CPNE2: variants seen among roughly 807,000 people sequenced by gnomAD.
The protein encoded by CPNE2 is copine-2.
Under a neutral mutation model 69.7 loss-of-function variants are expected in CPNE2, and 42 were observed. That is an observed-to-expected ratio of 0.60 (90% CI 0.47 to 0.78). The LOEUF (loss-of-function observed/expected upper bound fraction) is 0.78, where lower values mean the gene tolerates loss of function less well. Ranked by LOEUF, CPNE2 falls within the 30% of genes least tolerant of loss-of-function variation. The probability of loss-of-function intolerance (pLI) is 0.00; values close to 1 mark genes in which losing one functional copy is unlikely to be tolerated. For synonymous variants in CPNE2, 294 were observed against 289.8 expected (o/e 1.01, Z -0.15); for missense variants, 587 against 732.0 (o/e 0.80, Z 2.29).
At chr16:57,125,075 T>C (rs1014654941) in intron 10 of CPNE2, 1 of 330,698 alleles carries the variant, frequency 3.0e-6, no homozygotes, top group South Asian at 2.3e-5. Flanking sequence ...TGAGTTCCCA[T>C]GTAGCCAAAT....
chr16:57,136,734 C>T (rs143942073), intron 13 of CPNE2, among the ~76,000 whole-genome samples: 137 of 152,226 alleles, frequency 9.0e-4, no homozygotes, highest in African/African-American at 3.1e-3. Flanking sequence ...GGCAACATGG[C>T]GAAACCCTGC....
intron 1 of CPNE2, among the ~76,000 whole-genome samples, chr16:57,095,591 G>A (rs2069573717): frequency 6.6e-6 from 1 of 152,104 alleles, no homozygotes; most frequent in Non-Finnish European, 1.5e-5. Flanking sequence ...TTGTGCCTTA[G>A]CCTCCCAAGT....
chr16:57,102,805 T>C (rs2069622909), intron 1 of CPNE2, among the ~76,000 whole-genome samples: 2 of 152,218 alleles, frequency 1.3e-5, no homozygotes, highest in African/African-American at 4.8e-5. Flanking sequence ...TTTCACCTTG[T>C]TGGCCAGGCT....
Position 57,121,096 on chromosome 16 carries a change from A to G in CPNE2, c.685A>G (p.Met229Val), listed in dbSNP as rs770889030. The G allele has an allele frequency of 1.2e-6, 2 of 1,613,082 alleles. No individual in the cohort carries two copies. Among genetic ancestry groups the G allele is most frequent in the Admixed American group, 3.3e-5 (2 of 59,948 alleles). ...DGDMEKPIQV[M>V]CYDYDNDGGH... ...GACCGTGCTGAACCCACCCCAGGTC[A>G]TGTGCTACGACTATGACAATGACGG... Residue 229 changes from methionine to valine, a missense_variant, in exon 8 of 16, where the codon ATG (methionine) becomes GTG (valine). Physicochemically the swap from Met to Val is conservative, Grantham distance 21 (BLOSUM62 1). Coordinates refer to ENST00000290776, the MANE Select transcript of CPNE2 (RefSeq NM_152727.6).
intron 14 of CPNE2, among the ~76,000 whole-genome samples, chr16:57,139,047 G>C (rs1162590554): frequency 6.6e-6 from 1 of 152,242 alleles, no homozygotes; most frequent in African/African-American, 2.4e-5. Flanking sequence ...AATGGAGAAA[G>C]AGTAATTCAC....
intron 14 of CPNE2, among the ~76,000 whole-genome samples, chr16:57,140,531 C>T (rs2069914019): frequency 6.6e-6 from 1 of 151,702 alleles, no homozygotes; most frequent in African/African-American, 2.4e-5. Flanking sequence ...GACCTGGGTG[C>T]AGGCTTAATG....
intron 13 of CPNE2, 81 bp downstream of exon 13, chr16:57,134,907 C>A: frequency 7.0e-7 from 1 of 1,437,224 alleles, no homozygotes; most frequent in Non-Finnish European, 9.7e-7. Flanking sequence ...GGGCAGAGGA[C>A]AGGTTTTCAT....
At chr16:57,110,204 A>G (rs2069671622) in intron 1 of CPNE2, among the ~76,000 whole-genome samples, 2 of 146,596 alleles carry the variant, frequency 1.4e-5, no homozygotes, top group African/African-American at 5.1e-5. Context: ...AGAGACAGAG[A>G]CTCTTTTTTC....
intron 1 of CPNE2, among the ~76,000 whole-genome samples, chr16:57,109,200 C>T (rs1417226706): frequency 1.7e-4 from 26 of 152,212 alleles, no homozygotes; most frequent in Admixed American, 1.4e-3. Flanking sequence ...AATAGCCAGG[C>T]GCGGTGGCTC....
rs563373168 is a variant in CPNE2 at position 57,109,372 on chromosome 16, C to T, written c.-35-1336C>T. Among the ~76,000 whole-genome samples, 85 of 150,926 alleles carry T rather than the reference C, an allele frequency of 5.6e-4. No homozygotes were observed. In the Middle Eastern group the frequency reaches 0.014, roughly 24 times the overall value. On this transcript the variant is annotated intron_variant, in intron 1 of 15. Transcript: ENST00000290776. ...GTGCCTGTAGTCCCAGTTACTCGGG[C>T]GGCTGAGGCAGAAGAATTGCTTGAA... is the stretch of plus-strand genomic sequence containing the variant.
intron 2 of CPNE2, chr16:57,112,904 T>C (rs1597493844): frequency 5.8e-6 from 1 of 171,456 alleles, no homozygotes; most frequent in East Asian, 1.6e-4. Context: ...CCTTTCCCTT[T>C]ACAGAGGTGG....
chr16:57,102,052 T>A (rs1373249588), intron 1 of CPNE2, among the ~76,000 whole-genome samples: 1 of 151,750 alleles, frequency 6.6e-6, no homozygotes, highest in Non-Finnish European at 1.5e-5. Context: ...GCTTAGGTGA[T>A]TCCCCCCATC....
chr16:57,118,684 GGATGGATAGATA>G (rs1298944521), intron 5 of CPNE2, among the ~76,000 whole-genome samples: 11 of 151,652 alleles, frequency 7.3e-5, no homozygotes, highest in African/African-American at 2.7e-4. Flanking sequence ...ATGGATGGAT[GGATGGATAGATA>G]GATAGATAGA....
intron 12 of CPNE2, among the ~76,000 whole-genome samples, chr16:57,128,376 CCCA>C (rs1567670977): frequency 6.6e-6 from 1 of 151,856 alleles, no homozygotes; most frequent in Non-Finnish European, 1.5e-5. Flanking sequence ...ATTACAGGTG[CCCA>C]CCACCACCCC....
At chr16:57,136,519 C>T (rs563139742) in intron 13 of CPNE2, among the ~76,000 whole-genome samples, 2 of 152,342 alleles carry the variant, frequency 1.3e-5, no homozygotes, top group East Asian at 3.9e-4. Context: ...AGAGACCCCC[C>T]TCCTGCCAAC....
chr16:57,119,342 C>A, intron 6 of CPNE2, 64 bp downstream of exon 6: 6 of 1,531,014 alleles, frequency 3.9e-6, no homozygotes, highest in Non-Finnish European at 4.5e-6. Context: ...CTCCACAGCT[C>A]TGAAAAAGGG....
chr16:57,135,930 A>AGAGAAAGG (rs1197884925), intron 13 of CPNE2, among the ~76,000 whole-genome samples: 1 of 137,992 alleles, frequency 7.2e-6, no homozygotes, highest in African/African-American at 2.7e-5. Context: ...AGAGAGACAG[A>AGAGAAAGG]GAGAAAGGAA....
chr16:57,110,331 C>G (rs1460959999), intron 1 of CPNE2, among the ~76,000 whole-genome samples: 1 of 150,250 alleles, frequency 6.7e-6, no homozygotes, highest in Non-Finnish European at 1.5e-5. Context: ...CTCAAGCAAT[C>G]CTCCTGCCTC....
chr16:57,103,157 C>T (rs1388365093), intron 1 of CPNE2, among the ~76,000 whole-genome samples: 1 of 152,016 alleles, frequency 6.6e-6, no homozygotes, highest in African/African-American at 2.4e-5. Context: ...GGATCTCACT[C>T]TGTCACCCAG....
Sources: allele counts gnomAD v4.1 joint callset (sites outside exome capture counted in the v4.1 genomes callset), GRCh38; gene constraint gnomAD v4.1.1; transcripts MANE v1.5; gene names NCBI Gene and HGNC (gene_info 2026-07-23, HGNC 2026-07-21).